AUTS2: variants seen among roughly 807,000 people sequenced by gnomAD.
AUTS2 encodes activator of transcription and developmental regulator AUTS2.
Under a neutral mutation model 112.4 loss-of-function variants are expected in AUTS2, and 17 were observed. The ratio of observed to expected loss-of-function variants is 0.15; its 90% confidence interval spans 0.10 to 0.23. AUTS2 has a LOEUF of 0.23. Ranked by LOEUF, AUTS2 falls within the 10% of genes least tolerant of loss-of-function variation. The pLI is 1.00. For synonymous variants in AUTS2, 751 were observed against 702.7 expected, an observed-to-expected ratio of 1.07 and a Z score of -1.09; for missense variants, 1,510 against 1,701.6, an observed-to-expected ratio of 0.89 and a Z score of 1.98.
At chr7:70,087,454 C>T (rs1166490601) in intron 2 of AUTS2, among the ~76,000 whole-genome samples, 1 of 151,310 alleles carries the variant, frequency 6.6e-6, no homozygotes, top group Non-Finnish European at 1.5e-5. Flanking sequence ...ACTGCAACCT[C>T]CACCTCCCAG....
intron 4 of AUTS2, among the ~76,000 whole-genome samples, chr7:70,238,408 C>G (rs1395450004): frequency 6.6e-6 from 1 of 152,190 alleles, no homozygotes; most frequent in African/African-American, 2.4e-5. Context: ...TCCTCTACTG[C>G]CCTGTGCATC....
chr7:70,447,466 C>T (rs1796363965), intron 5 of AUTS2, among the ~76,000 whole-genome samples: 1 of 152,186 alleles, frequency 6.6e-6, no homozygotes, highest in African/African-American at 2.4e-5. Flanking sequence ...CATATGTTGA[C>T]TTGTTTAGTC....
intron 4 of AUTS2, among the ~76,000 whole-genome samples, chr7:70,252,255 A>G (rs1584934757): frequency 1.3e-5 from 2 of 152,152 alleles, no homozygotes; most frequent in African/African-American, 2.4e-5. Context: ...TGAACAATGC[A>G]CAAGGGTTCT....
intron 2 of AUTS2, among the ~76,000 whole-genome samples, chr7:70,081,221 G>A (rs1287236850): frequency 2.0e-5 from 3 of 151,840 alleles, no homozygotes; most frequent in Non-Finnish European, 4.4e-5. Context: ...CTTGAAATAC[G>A]AGGAAAGTGA....
intron 5 of AUTS2, among the ~76,000 whole-genome samples, chr7:70,494,067 G>C (rs1239363349): frequency 6.6e-6 from 1 of 152,168 alleles, no homozygotes; most frequent in African/African-American, 2.4e-5. Context: ...AGTACGATTT[G>C]AAATCGGCGT....
intron 2 of AUTS2, among the ~76,000 whole-genome samples, chr7:70,066,221 A>G (rs1199882252): frequency 6.6e-6 from 1 of 152,218 alleles, no homozygotes; most frequent in Non-Finnish European, 1.5e-5. Context: ...CTATATGGCA[A>G]TTGAAGTACA....
intron 4 of AUTS2, among the ~76,000 whole-genome samples, chr7:70,404,076 A>G (rs530557360): frequency 7.2e-5 from 11 of 152,190 alleles, no homozygotes; most frequent in Non-Finnish European, 1.2e-4. Flanking sequence ...CATATCTTCC[A>G]TATGTATTTT....
intron 1 of AUTS2, among the ~76,000 whole-genome samples, chr7:69,684,292 T>TGG (rs938292858): frequency 3.3e-5 from 5 of 152,090 alleles, no homozygotes; most frequent in African/African-American, 1.2e-4. Flanking sequence ...ACTTGCACCT[T>TGG]GGGACAGGGT....
intron 6 of AUTS2, among the ~76,000 whole-genome samples, chr7:70,715,971 C>G (rs1188447431): frequency 6.6e-6 from 1 of 152,174 alleles, no homozygotes; most frequent in African/African-American, 2.4e-5. Context: ...TGATTTCAAA[C>G]TTTGGAATTT....
intron 4 of AUTS2, among the ~76,000 whole-genome samples, chr7:70,374,707 A>G (rs1308252507): frequency 6.6e-6 from 1 of 152,198 alleles, no homozygotes; most frequent in African/African-American, 2.4e-5. Flanking sequence ...TGAAAGACAT[A>G]TAAGGCCTTA....
chr7:70,704,587 T>C (rs896938426), intron 6 of AUTS2, among the ~76,000 whole-genome samples: 1 of 152,220 alleles, frequency 6.6e-6, no homozygotes. Flanking sequence ...ATGATGTAGT[T>C]AGTATTTGGT....
At chr7:70,147,196 G>C (rs1807172981) in intron 4 of AUTS2, among the ~76,000 whole-genome samples, 1 of 150,468 alleles carries the variant, frequency 6.6e-6, no homozygotes, top group South Asian at 2.1e-4. Context: ...AACAGCCACT[G>C]TACTCCCATC....
rs116698419 is a variant in AUTS2 at position 69,979,515 on chromosome 7, A to T, written c.522+80017A>T. 1.2e-3 allele frequency among the ~76,000 whole-genome samples: 180 copies of T among 152,360 alleles called. 1 individual carries two copies. Among genetic ancestry groups the T allele is most frequent in the African/African-American group, 4.3e-3 (177 of 41,580 alleles). On this transcript the variant is annotated intron_variant, in intron 2 of 18. Coordinates refer to ENST00000342771, the MANE Select transcript of AUTS2 (RefSeq NM_015570.4). Reference sequence around the variant, plus strand: ...TTTTTTCAAGTTAGTACAAGGAGGTAAATGGAATCACAGTTTCAAATGTTA... The same window carrying T: ...TTTTTTCAAGTTAGTACAAGGAGGTTAATGGAATCACAGTTTCAAATGTTA...
chr7:70,348,066 G>A (rs1190125990), intron 4 of AUTS2, among the ~76,000 whole-genome samples: 1 of 152,150 alleles, frequency 6.6e-6, no homozygotes, highest in Non-Finnish European at 1.5e-5. Flanking sequence ...TCAGAGGGAA[G>A]GGAAATGAAA....
At chr7:69,811,541 G>A (rs193267888) in intron 1 of AUTS2, among the ~76,000 whole-genome samples, 35 of 151,768 alleles carry the variant, frequency 2.3e-4, no homozygotes, top group African/African-American at 6.3e-4. Flanking sequence ...TCCCCCTCCC[G>A]TCCATAATAA....
chr7:70,010,175 T>G (rs1181470767), intron 2 of AUTS2, among the ~76,000 whole-genome samples: 2 of 152,142 alleles, frequency 1.3e-5, no homozygotes, highest in Non-Finnish European at 2.9e-5. Flanking sequence ...AGACAGGGTC[T>G]CATTCTGTTG....
chr7:69,870,392 G>C (rs1219218927), intron 1 of AUTS2, among the ~76,000 whole-genome samples: 1 of 127,522 alleles, frequency 7.8e-6, no homozygotes, highest in African/African-American at 2.8e-5. Flanking sequence ...ATAATATTAA[G>C]AGAACAATGT....
chr7:69,874,826 TTTTG>T (rs763639034), intron 1 of AUTS2, among the ~76,000 whole-genome samples: 20 of 151,962 alleles, frequency 1.3e-4, no homozygotes, highest in Non-Finnish European at 2.5e-4. Flanking sequence ...GCCCAGCTAT[TTTTG>T]TTTGTTTGTT....
At chr7:70,122,004 AG>A (rs1248626906) in intron 3 of AUTS2, among the ~76,000 whole-genome samples, 1 of 152,232 alleles carries the variant, frequency 6.6e-6, no homozygotes, top group African/African-American at 2.4e-5. Flanking sequence ...GAATATACTC[AG>A]CCATAAAAAA....
Sources: allele counts gnomAD v4.1 joint callset (sites outside exome capture counted in the v4.1 genomes callset), GRCh38; gene constraint gnomAD v4.1.1; transcripts MANE v1.5; gene names NCBI Gene and HGNC (gene_info 2026-07-23, HGNC 2026-07-21).